SMIM45: variants seen among roughly 807,000 people sequenced by gnomAD.
SMIM45 encodes the protein long intergenic non-protein coding RNA 634.
chr22:41,947,812 A>G, the SMIM45 span, among the ~76,000 whole-genome samples: 1 of 151,190 alleles, frequency 6.6e-6, no homozygotes, highest in East Asian at 1.9e-4. Flanking sequence ...ACTACAGGCA[A>G]GTGCCACCAT....
the SMIM45 span, among the ~76,000 whole-genome samples, chr22:41,953,650 C>T: frequency 6.6e-6 from 1 of 152,006 alleles, no homozygotes. Flanking sequence ...TCACGTCACC[C>T]CTTTCTTATA....
the SMIM45 span, among the ~76,000 whole-genome samples, chr22:41,951,968 C>G: frequency 1.3e-5 from 2 of 152,350 alleles, no homozygotes; most frequent in Admixed American, 1.3e-4. Context: ...TCCCCCTCCC[C>G]GCACTCCCCC....
At chr22:41,958,210 C>A in the SMIM45 span, 2 of 433,616 alleles carry the variant, frequency 4.6e-6, no homozygotes, top group South Asian at 1.6e-5. Flanking sequence ...CTCCACTGGA[C>A]TCAGGCATGT....
chr22:41,956,181 T>C, the SMIM45 span, among the ~76,000 whole-genome samples: 1 of 152,114 alleles, frequency 6.6e-6, no homozygotes, highest in Admixed American at 6.5e-5. Context: ...AGCTAATTTT[T>C]TGAGTTTTTA....
the SMIM45 span, chr22:41,947,054 T>C: frequency 6.2e-7 from 1 of 1,612,880 alleles, no homozygotes; most frequent in South Asian, 1.1e-5. Context: ...GGGCAGCTTG[T>C]CCAGGGGCCT....
the SMIM45 span, among the ~76,000 whole-genome samples, chr22:41,953,672 T>C: frequency 6.6e-6 from 1 of 150,936 alleles, no homozygotes; most frequent in Non-Finnish European, 1.5e-5. Flanking sequence ...CTAGGGAAGG[T>C]TGGGGGTGGG....
the SMIM45 span, among the ~76,000 whole-genome samples, chr22:41,954,798 G>A: frequency 6.6e-6 from 1 of 151,970 alleles, no homozygotes; most frequent in African/African-American, 2.4e-5. Context: ...TTGAGGTCAG[G>A]AGTTTGAGAC....
At chr22:41,947,698 C>T in the SMIM45 span, among the ~76,000 whole-genome samples, 1 of 141,944 alleles carries the variant, frequency 7.0e-6, no homozygotes, top group African/African-American at 2.6e-5. Flanking sequence ...TGGAGCGTCA[C>T]TTTGTTGCCC....
the SMIM45 span, chr22:41,957,748 G>A: frequency 1.3e-5 from 2 of 153,616 alleles, no homozygotes; most frequent in African/African-American, 4.8e-5. Context: ...TCATTCTGGT[G>A]GGCTTCGGCG....
the SMIM45 span, among the ~76,000 whole-genome samples, chr22:41,954,202 ATTTT>A: frequency 1.1e-4 from 12 of 104,522 alleles, no homozygotes; most frequent in Admixed American, 6.5e-4. Context: ...GGTACTTTGA[ATTTT>A]TTTTTTTTTT....
the SMIM45 span, among the ~76,000 whole-genome samples, chr22:41,953,940 CG>C: frequency 6.8e-6 from 1 of 146,738 alleles, no homozygotes; most frequent in African/African-American, 2.5e-5. Flanking sequence ...TTAATAGAGA[CG>C]GGGTTTCACC....
chr22:41,949,262 G>A, the SMIM45 span, among the ~76,000 whole-genome samples: 1 of 151,694 alleles, frequency 6.6e-6, no homozygotes, highest in South Asian at 2.1e-4. Context: ...AAAAATGAAA[G>A]ATAAACTAAA....
At chr22:41,954,170 G>A in the SMIM45 span, among the ~76,000 whole-genome samples, 1 of 150,276 alleles carries the variant, frequency 6.7e-6, no homozygotes, top group African/African-American at 2.5e-5. Flanking sequence ...AATGGGGATA[G>A]GAATAGCACC....
chr22:41,958,030 CTCCCGACAGAGGCCCCAGGT>C, the SMIM45 span: 1 of 254,704 alleles, frequency 3.9e-6, no homozygotes, highest in Non-Finnish European at 8.0e-6. Flanking sequence ...AGCCTGGGCC[CTCCCGACAGAGGCCCCAGGT>C]GCGCTGGCAG....
chr22:41,947,187 G>A, the SMIM45 span: 1 of 1,013,590 alleles, frequency 9.9e-7, no homozygotes, highest in African/African-American at 1.6e-5. Context: ...TATAGGCGGG[G>A]CTTCGCGGGA....
At chr22:41,948,925 C>T in the SMIM45 span, among the ~76,000 whole-genome samples, 2 of 152,186 alleles carry the variant, frequency 1.3e-5, no homozygotes, top group African/African-American at 4.8e-5. Flanking sequence ...ATTAGCTGGG[C>T]GTGGTGGTGC....
the SMIM45 span, among the ~76,000 whole-genome samples, chr22:41,949,257 T>C: frequency 6.9e-6 from 1 of 145,596 alleles, no homozygotes; most frequent in East Asian, 2.1e-4. Flanking sequence ...AAAAAAAAAA[T>C]GAAAGATAAA....
the SMIM45 span, among the ~76,000 whole-genome samples, chr22:41,957,155 C>A: frequency 6.9e-6 from 1 of 145,198 alleles, no homozygotes; most frequent in Non-Finnish European, 1.5e-5. Flanking sequence ...GCCCACGAGG[C>A]CTGGGCGGCT....
At chr22:41,957,042 A>G in the SMIM45 span, among the ~76,000 whole-genome samples, 2 of 151,930 alleles carry the variant, frequency 1.3e-5, no homozygotes, top group Admixed American at 6.6e-5. Flanking sequence ...CGGCCTCCCA[A>G]AGTGCTGGGA....
Sources: allele counts gnomAD v4.1 joint callset (sites outside exome capture counted in the v4.1 genomes callset), GRCh38; gene constraint gnomAD v4.1.1; transcripts MANE v1.5; gene names NCBI Gene and HGNC (gene_info 2026-07-23, HGNC 2026-07-21).